Variants in RAD51AP2 observed in about 807,000 individuals in gnomAD.
RAD51AP2 encodes the protein RAD51-associated protein 2.
In RAD51AP2, 67 loss-of-function variants were observed where a neutral mutation model predicts 85.5. That is an observed-to-expected ratio of 0.78 (90% CI 0.64 to 0.96). RAD51AP2 has a LOEUF of 0.96. Among genes scored for constraint, RAD51AP2 ranks in the 40% least tolerant of loss-of-function variants. The probability of loss-of-function intolerance (pLI) is 0.00; values close to 1 mark genes in which losing one functional copy is unlikely to be tolerated. For missense variants in RAD51AP2, 1,307 were observed against 1,332.4 expected (o/e 0.98, Z 0.30); for synonymous variants, 474 against 446.5 (o/e 1.06, Z -0.78).
At chr2:17,522,008 T>C (rs1420845190), upstream of RAD51AP2, among the ~76,000 whole-genome samples, 2 of 152,060 alleles carry the variant, frequency 1.3e-5, no homozygotes, top group Non-Finnish European at 1.5e-5. Context: ...TCTCTCGTTA[T>C]CTCTTTCTGA....
chr2:17,515,158 G>A lies in RAD51AP2; in HGVS notation c.3247+11C>T. ...AGCATGAGAAATAATGTTCTAAAATGAATTTCATACCTTTCTCAGAAGTAG... is the reference window on the plus strand; with the variant it reads ...AGCATGAGAAATAATGTTCTAAAATAAATTTCATACCTTTCTCAGAAGTAG... On this transcript the variant is annotated intron_variant, in intron 1 of 2. Transcript: ENST00000399080. 6.5e-7 allele frequency: 1 copy of A among 1,534,402 alleles called. No homozygotes were observed. Among genetic ancestry groups the A allele is most frequent in the Non-Finnish European group, 8.7e-7 (1 of 1,145,650 alleles).
chr2:17,522,617 C>A (rs559781764), upstream of RAD51AP2, among the ~76,000 whole-genome samples: 3 of 152,030 alleles, frequency 2.0e-5, no homozygotes, highest in East Asian at 5.8e-4. Flanking sequence ...AATTTAAGAA[C>A]CCTGTCGCTG....
chr2:17,519,013 A>G (rs1662795629), upstream of RAD51AP2, among the ~76,000 whole-genome samples: 1 of 152,128 alleles, frequency 6.6e-6, no homozygotes, highest in African/African-American at 2.4e-5. Context: ...GTTTGGGGGA[A>G]AAAAGCCACC....
chr2:17,514,024 A>C lies in RAD51AP2; in HGVS notation c.3316T>G (p.Leu1106Val), dbSNP rs774023204. The change falls in exon 2 of 3, where the codon TTA (leucine) becomes GTA (valine). Residue 1106 changes from leucine (L) to valine (V), a missense_variant. Transcript: ENST00000399080. ...PDECKEEFNY[L>V]LRGGSHFPHG... Reference sequence around the variant, plus strand: ...ACCACAATGTTACCTCCTCTCAATAAATAATTAAATTCTTCTTTACATTCA... The same window carrying C: ...ACCACAATGTTACCTCCTCTCAATACATAATTAAATTCTTCTTTACATTCA... The C allele has an allele frequency of 6.5e-6, 10 of 1,547,012 alleles. No individual in the cohort carries two copies. The highest frequency in any genetic ancestry group is 8.9e-6 in the Non-Finnish European group (10 of 1,121,552).
the RAD51AP2 span, among the ~76,000 whole-genome samples, chr2:17,528,139 G>A: frequency 6.6e-6 from 1 of 152,058 alleles, no homozygotes; most frequent in Admixed American, 6.5e-5. Flanking sequence ...GGTTGGCTTG[G>A]TTTTAAAAAA....
At chr2:17,537,192 T>TGTGTCTGTA in the RAD51AP2 span, among the ~76,000 whole-genome samples, 2 of 152,012 alleles carry the variant, frequency 1.3e-5, 1 homozygote, top group Non-Finnish European at 2.9e-5. Context: ...CGTGGTGGTG[T>TGTGTCTGTA]GTGTCTGTAG....
In RAD51AP2 at chr2:17,517,496, T is replaced by A. The variant is rs576359989; in HGVS notation, c.920A>T (p.Lys307Met). 41 of 1,614,020 alleles carry A rather than the reference T, an allele frequency of 2.5e-5. No homozygotes were observed. The East Asian group carries it at 8.2e-4, about 32-fold the overall frequency. The change falls in exon 1 of 3, where the codon AAG (lysine) becomes ATG (methionine). Residue 307 changes from lysine to methionine, a missense_variant. This residue lies in a region of RAD51AP2 where 635 missense variants were observed against 643.6 expected (regional missense o/e 0.99). Transcript: ENST00000399080. ...TTTTTTATCATTCTGTAACTTTTGCTTCTTAACATCAGGTCTATTTTGGGA... is the reference window on the plus strand; with the variant it reads ...TTTTTTATCATTCTGTAACTTTTGCATCTTAACATCAGGTCTATTTTGGGA... ...YWSQNRPDVK[K>M]QKLQNDKKTV...
intron 2 of RAD51AP2, among the ~76,000 whole-genome samples, chr2:17,512,088 A>G (rs1450065997): frequency 1.3e-5 from 2 of 152,198 alleles, no homozygotes; most frequent in Non-Finnish European, 2.9e-5. Context: ...TAATTTCAAT[A>G]CTGTACTTGC....
chr2:17,525,054 A>T, the RAD51AP2 span, among the ~76,000 whole-genome samples: 1 of 151,920 alleles, frequency 6.6e-6, no homozygotes, highest in Non-Finnish European at 1.5e-5. Context: ...GAGAGGTAGG[A>T]ATAAAGATGA....
chr2:17,528,010 T>A, the RAD51AP2 span, among the ~76,000 whole-genome samples: 2 of 152,244 alleles, frequency 1.3e-5, no homozygotes, highest in Non-Finnish European at 2.9e-5. Context: ...AAAAATGATA[T>A]AATTTATACT....
Position 17,515,995 on chromosome 2 carries a change from A to T in RAD51AP2, c.2421T>A (p.His807Gln). Residue 807 changes from histidine (H) to glutamine (Q), a missense_variant, in exon 1 of 3, where the codon CAT (histidine) becomes CAA (glutamine). By Grantham distance (24) the His-to-Gln change is conservative. Transcript: ENST00000399080. ...SHNIIHNEET[H>Q]TTSITQVLNF... ...TTAGTACTTGAGTTATAGAAGTGGT[A>T]TGGGTCTCTTCATTATGTATTATGT... The T allele has an allele frequency of 6.2e-7, 1 of 1,613,582 alleles. No homozygotes were observed. Among genetic ancestry groups the T allele is most frequent in the South Asian group, 1.1e-5 (1 of 90,932 alleles).
the RAD51AP2 span, among the ~76,000 whole-genome samples, chr2:17,534,355 T>C: frequency 6.6e-6 from 1 of 152,204 alleles, no homozygotes; most frequent in Non-Finnish European, 1.5e-5. Context: ...TTATAATCTA[T>C]TACTGCATAT....
At chr2:17,512,301 G>A (rs1420317909) in intron 2 of RAD51AP2, among the ~76,000 whole-genome samples, 1 of 152,198 alleles carries the variant, frequency 6.6e-6, no homozygotes, top group Non-Finnish European at 1.5e-5. Context: ...AGGCAGATCA[G>A]TAAAATCCAT....
intron 2 of RAD51AP2, among the ~76,000 whole-genome samples, chr2:17,511,505 C>G (rs1662494491): frequency 6.6e-6 from 1 of 152,108 alleles, no homozygotes; most frequent in African/African-American, 2.4e-5. Context: ...ACATCTGTTA[C>G]TAAATCAGTT....
At position 17,516,716 on chromosome 2, in the gene RAD51AP2, T is replaced by C; in HGVS notation, c.1700A>G (p.Tyr567Cys). 1 of 1,576,984 alleles carries C rather than the reference T, an allele frequency of 6.3e-7. No individual in the cohort carries two copies. Among genetic ancestry groups the C allele is most frequent in the Non-Finnish European group, 8.6e-7 (1 of 1,158,048 alleles). The change falls in exon 1 of 3, where the codon TAT becomes TGT. Residue 567 changes from tyrosine to cysteine, a missense_variant. Transcript: ENST00000399080. ...TNIKNGILSIYLQDSVSEPLD... is the reference protein window; with the variant it reads ...TNIKNGILSICLQDSVSEPLD... ...AGGTTCTGAAACACTATCTTGTAAA[T>C]ATATGCTTAAAATTCCATTCTTTAT...
In RAD51AP2 at chr2:17,517,513, AT is replaced by A. The variant is rs1662720443; in HGVS notation, c.902del (p.Asn301IlefsTer17). On this transcript the variant is annotated frameshift_variant, in exon 1 of 3. Transcript: ENST00000399080. LOFTEE classifies it high-confidence loss of function. ...RDFTNIYWSQ[N>X]RPDVKKQKLQ... is the part of the protein sequence containing the mutation. Reference sequence around the variant, plus strand: ...ACTTTTGCTTCTTAACATCAGGTCTATTTTGGGACCAGTAAATGTTTGTGAA... The same window carrying A: ...ACTTTTGCTTCTTAACATCAGGTCTATTTGGGACCAGTAAATGTTTGTGAA... 6.8e-6 allele frequency: 11 copies of A among 1,613,790 alleles called. No individual in the cohort carries two copies. Among genetic ancestry groups the A allele is most frequent in the Non-Finnish European group, 8.5e-6 (10 of 1,179,866 alleles).
the RAD51AP2 span, among the ~76,000 whole-genome samples, chr2:17,530,637 T>A: frequency 2.7e-5 from 4 of 150,490 alleles, no homozygotes; most frequent in East Asian, 7.8e-4. Flanking sequence ...AGTTACTGTA[T>A]TCTTTCCTCT....
chr2:17,514,580 C>T (rs962108332), intron 1 of RAD51AP2, among the ~76,000 whole-genome samples: 1 of 151,924 alleles, frequency 6.6e-6, no homozygotes, highest in Non-Finnish European at 1.5e-5. Flanking sequence ...ACCAGCCAGG[C>T]CAACACAGTG....
chr2:17,528,566 G>A, the RAD51AP2 span, among the ~76,000 whole-genome samples: 1 of 152,166 alleles, frequency 6.6e-6, no homozygotes, highest in East Asian at 1.9e-4. Context: ...AAGTCAGATA[G>A]GCACGGTGGT....
Sources: gnomAD v4.1 joint callset for allele counts (sites outside exome capture counted in the v4.1 genomes callset) on GRCh38, gnomAD v4.1.1 for gene constraint, gnomAD v4.1.1 regional missense constraint, MANE v1.5 for transcripts, NCBI Gene and HGNC (gene_info 2026-07-23, HGNC 2026-07-21) for gene names.